The following SKIC3 variants were observed in gnomAD, a reference collection of about 807,000 sequenced individuals.
SKIC3 encodes superkiller complex protein 3.
At chr5:95,507,269 C>T in the SKIC3 span, among the ~76,000 whole-genome samples, 3 of 151,936 alleles carry the variant, frequency 2.0e-5, no homozygotes, top group African/African-American at 7.3e-5. Flanking sequence ...TCTAAATATT[C>T]CAAAAATCTA....
chr5:95,498,225 TG>T, the SKIC3 span: 1 of 755,612 alleles, frequency 1.3e-6, no homozygotes, highest in Non-Finnish European at 2.2e-6. Flanking sequence ...GTCAGTTACC[TG>T]GTCCTGTGTA....
chr5:95,504,200 G>A, the SKIC3 span, among the ~76,000 whole-genome samples: 1 of 152,046 alleles, frequency 6.6e-6, no homozygotes, highest in Non-Finnish European at 1.5e-5. Context: ...GCCGGACGTG[G>A]TGGCACATGC....
the SKIC3 span, chr5:95,523,747 G>T: frequency 6.2e-7 from 1 of 1,613,566 alleles, no homozygotes; most frequent in African/African-American, 1.3e-5. Flanking sequence ...TAACATCCAC[G>T]AGCTCTGTTT....
At chr5:95,542,170 T>C in the SKIC3 span, among the ~76,000 whole-genome samples, 1 of 152,184 alleles carries the variant, frequency 6.6e-6, no homozygotes, top group Non-Finnish European at 1.5e-5. Context: ...GAAAATTCAT[T>C]AGAAGTGCTT....
chr5:95,505,063 T>C, the SKIC3 span, among the ~76,000 whole-genome samples: 1 of 152,128 alleles, frequency 6.6e-6, no homozygotes, highest in African/African-American at 2.4e-5. Context: ...GCAATACTTA[T>C]TAATAACAGA....
At chr5:95,481,341 C>T in the SKIC3 span, among the ~76,000 whole-genome samples, 581 of 152,136 alleles carry the variant, frequency 3.8e-3, 2 homozygotes, top group Non-Finnish European at 4.1e-3. Flanking sequence ...AGGGGAGTTT[C>T]CCTGCACAAG....
the SKIC3 span, among the ~76,000 whole-genome samples, chr5:95,554,404 A>G: frequency 1.3e-5 from 2 of 152,206 alleles, no homozygotes; most frequent in Admixed American, 1.3e-4. Flanking sequence ...AAGGAATTCA[A>G]CAGTCAAAAG....
At chr5:95,509,688 C>A in the SKIC3 span, 1 of 1,602,636 alleles carries the variant, frequency 6.2e-7, no homozygotes, top group South Asian at 1.1e-5. Context: ...TGAATTCTTT[C>A]TAGAAAATGA....
chr5:95,510,230 G>A, the SKIC3 span, among the ~76,000 whole-genome samples: 206 of 152,304 alleles, frequency 1.4e-3, 1 homozygote, highest in South Asian at 2.3e-3. Context: ...GACAGTGACA[G>A]AAATCCAACC....
the SKIC3 span, chr5:95,478,428 C>T: frequency 3.7e-6 from 6 of 1,613,814 alleles, no homozygotes; most frequent in South Asian, 1.1e-5. Flanking sequence ...GGGATTGATA[C>T]ACATGTGCCA....
the SKIC3 span, among the ~76,000 whole-genome samples, chr5:95,505,137 A>G: frequency 9.8e-5 from 15 of 152,338 alleles, no homozygotes; most frequent in East Asian, 2.7e-3. Flanking sequence ...CATCATCTGA[A>G]GAGAAACACT....
chr5:95,494,584 A>G, the SKIC3 span: 26 of 1,267,354 alleles, frequency 2.1e-5, no homozygotes, highest in Non-Finnish European at 2.7e-5. Context: ...AACAATGCCA[A>G]TAAAATATAT....
chr5:95,536,753 T>C, the SKIC3 span: 1 of 1,335,904 alleles, frequency 7.5e-7, no homozygotes, highest in South Asian at 1.2e-5. Context: ...CATTTTTTGA[T>C]TAATAACATC....
chr5:95,516,558 G>A, the SKIC3 span: 13 of 1,613,248 alleles, frequency 8.1e-6, no homozygotes, highest in Admixed American at 1.8e-4. Context: ...TGATGAAACA[G>A]TGCTGAGCAA....
At chr5:95,541,356 A>T in the SKIC3 span, 1 of 1,613,784 alleles carries the variant, frequency 6.2e-7, no homozygotes, top group Non-Finnish European at 8.5e-7. Context: ...TCTTGCAGAC[A>T]TCACACCACT....
chr5:95,554,511 T>C, the SKIC3 span, among the ~76,000 whole-genome samples: 1 of 152,308 alleles, frequency 6.6e-6, no homozygotes, highest in African/African-American at 2.4e-5. Context: ...CAGTTTCGCT[T>C]ATCTCCTTTG....
the SKIC3 span, chr5:95,513,399 G>A: frequency 1.3e-4 from 90 of 673,690 alleles, no homozygotes; most frequent in Non-Finnish European, 2.2e-4. Context: ...AAGAGACAGG[G>A]TCTTGCTATA....
At chr5:95,520,176 T>G in the SKIC3 span, among the ~76,000 whole-genome samples, 1 of 151,906 alleles carries the variant, frequency 6.6e-6, no homozygotes, top group African/African-American at 2.4e-5. Context: ...GAATTCACAG[T>G]TCTATAAAAT....
the SKIC3 span, chr5:95,503,109 T>C: frequency 2.5e-6 from 3 of 1,180,198 alleles, no homozygotes; most frequent in Non-Finnish European, 3.7e-6. Context: ...TAAATACAAT[T>C]ATATCTTTGT....
Sources: allele counts gnomAD v4.1 joint callset (sites outside exome capture counted in the v4.1 genomes callset), GRCh38; gene constraint gnomAD v4.1.1; transcripts MANE v1.5; gene names NCBI Gene and HGNC (gene_info 2026-07-23, HGNC 2026-07-21).